The following CACNA2D3 variants were observed in gnomAD, a reference collection of about 807,000 sequenced individuals.
The protein encoded by CACNA2D3 is voltage-dependent calcium channel subunit alpha-2/delta-3.
Under a neutral mutation model 160.6 loss-of-function variants are expected in CACNA2D3, and 60 were observed. The observed-to-expected ratio is 0.37, with a 90% CI of 0.30 to 0.46. CACNA2D3 has a LOEUF of 0.46. Ranked by LOEUF, CACNA2D3 falls within the 20% of genes least tolerant of loss-of-function variation. The pLI is 1.00. For missense variants in CACNA2D3, 1,205 were observed against 1,365.0 expected (o/e 0.88, Z 1.85); for synonymous variants, 558 against 492.9 (o/e 1.13, Z -1.75).
chr3:54,413,408 C>CTATATATATATCTA (rs1559474749), intron 4 of CACNA2D3, among the ~76,000 whole-genome samples: 1 of 145,242 alleles, frequency 6.9e-6, no homozygotes, highest in Non-Finnish European at 1.5e-5. Context: ...CTATATATAT[C>CTATATATATATCTA]TATATATATA....
At chr3:54,852,031 A>C (rs1405447720) in intron 17 of CACNA2D3, among the ~76,000 whole-genome samples, 4 of 152,196 alleles carry the variant, frequency 2.6e-5, no homozygotes, top group African/African-American at 9.7e-5. Flanking sequence ...CTCTTTCCTT[A>C]AAGTGGGTTA....
chr3:54,457,404 T>C (rs1303633051), intron 4 of CACNA2D3, among the ~76,000 whole-genome samples: 1 of 152,090 alleles, frequency 6.6e-6, no homozygotes, highest in Admixed American at 6.6e-5. Flanking sequence ...TTTTATTACA[T>C]TGTCATTAGA....
At chr3:54,875,092 C>T (rs58051150) in intron 18 of CACNA2D3, 7 of 151,966 alleles carry the variant, frequency 4.6e-5, no homozygotes, top group East Asian at 1.9e-4. Context: ...CTTTTTTGCC[C>T]GAAGCCCTAT....
intron 5 of CACNA2D3, among the ~76,000 whole-genome samples, chr3:54,522,337 T>A (rs1701658442): frequency 6.6e-6 from 1 of 152,202 alleles, no homozygotes; most frequent in Admixed American, 6.5e-5. Context: ...TGGGTTGTTA[T>A]GGCAAGTGCA....
At chr3:54,795,530 T>A (rs1452262945) in intron 13 of CACNA2D3, among the ~76,000 whole-genome samples, 5 of 152,114 alleles carry the variant, frequency 3.3e-5, no homozygotes, top group Non-Finnish European at 7.4e-5. Context: ...GAATGTTGAG[T>A]TTTGTTCTGG....
intron 17 of CACNA2D3, among the ~76,000 whole-genome samples, chr3:54,867,300 G>A (rs1699424280): frequency 6.6e-6 from 1 of 152,118 alleles, no homozygotes; most frequent in Non-Finnish European, 1.5e-5. Flanking sequence ...GGGGGAGTAG[G>A]CAAGGAGAAA....
At chr3:54,438,411 CA>C (rs1700091949) in intron 4 of CACNA2D3, among the ~76,000 whole-genome samples, 1 of 152,156 alleles carries the variant, frequency 6.6e-6, no homozygotes, top group African/African-American at 2.4e-5. Flanking sequence ...AAGACTTTTA[CA>C]AATAATTGTC....
At chr3:54,524,436 A>G (rs1321926028) in intron 5 of CACNA2D3, among the ~76,000 whole-genome samples, 1 of 151,952 alleles carries the variant, frequency 6.6e-6, no homozygotes, top group Non-Finnish European at 1.5e-5. Flanking sequence ...TCTGTCCTAG[A>G]GAATGTCCCA....
At chr3:55,029,685 G>A (rs572867481) in intron 35 of CACNA2D3, among the ~76,000 whole-genome samples, 54 of 152,210 alleles carry the variant, frequency 3.5e-4, no homozygotes, top group African/African-American at 1.1e-3. Context: ...CTGGATCTGG[G>A]AATACACATA....
In CACNA2D3 at chr3:55,033,852, T is replaced by A. The variant is rs866737134; in HGVS notation, c.2987+15535T>A. ...TTAATATATAATATATATTACATAT[T>A]AAATATATTTAATATATAATATATA... On this transcript the variant is annotated intron_variant, in intron 35 of 37. Transcript: ENST00000474759. Among the ~76,000 whole-genome samples, 320 of 108,016 alleles carry A rather than the reference T, an allele frequency of 3.0e-3. 5 individuals are homozygous for A. Among genetic ancestry groups the A allele is most frequent in the South Asian group, 6.9e-3 (27 of 3,886 alleles). The allele number at this position is 108,016 out of a possible 152,430, so 70.9% of individuals were successfully genotyped here. A position where few individuals can be genotyped will look rare whatever the true frequency, so the allele number is the denominator to read the frequency against.
At chr3:54,600,263 G>T (rs1209646789) in intron 9 of CACNA2D3, among the ~76,000 whole-genome samples, 2 of 152,116 alleles carry the variant, frequency 1.3e-5, no homozygotes, top group Admixed American at 6.5e-5. Flanking sequence ...CCTCACTCTG[G>T]GTCATGTTGC....
intron 4 of CACNA2D3, among the ~76,000 whole-genome samples, chr3:54,411,942 C>T (rs1043710270): frequency 4.6e-5 from 7 of 152,000 alleles, no homozygotes; most frequent in Admixed American, 2.0e-4. Flanking sequence ...ATGTGTAGGT[C>T]GGAAAACTTG....
At chr3:54,818,089 T>C (rs1317701948) in intron 14 of CACNA2D3, among the ~76,000 whole-genome samples, 1 of 152,226 alleles carries the variant, frequency 6.6e-6, no homozygotes, top group Non-Finnish European at 1.5e-5. Flanking sequence ...CAGCTTCCAC[T>C]TATTGACATT....
chr3:54,521,209 C>A (rs1017858418), intron 5 of CACNA2D3, among the ~76,000 whole-genome samples: 2 of 152,138 alleles, frequency 1.3e-5, no homozygotes, highest in Admixed American at 6.5e-5. Flanking sequence ...TTGATTCTCA[C>A]CAGTAATGTA....
rs1699642192 is a variant in CACNA2D3 at position 54,646,184 on chromosome 3, C to CTTCCTTCCT, written c.1167+3944_1167+3945insTCCTTCCTT. On this transcript the variant is annotated intron_variant, in intron 11 of 37. Transcript: ENST00000474759. ...CCTCCCTCCCTCCCTCCCTCCCTCC[C>CTTCCTTCCT]TCCTTCCTTGCTTCCTTCCTTCCTT... Among the ~76,000 whole-genome samples the CTTCCTTCCT allele has an allele frequency of 3.5e-3, 52 of 14,906 alleles. 1 individual carries two copies. The highest frequency in any genetic ancestry group is 0.01 in the African/African-American group (48 of 4,720). 9.8% of individuals were successfully genotyped at this position (14,906 alleles called of 152,430 possible).
intron 2 of CACNA2D3, among the ~76,000 whole-genome samples, chr3:54,198,902 C>T (rs1264546522): frequency 6.6e-6 from 1 of 152,256 alleles, no homozygotes. Flanking sequence ...CCGGGAGCTC[C>T]TAGATGTCTT....
intron 35 of CACNA2D3, among the ~76,000 whole-genome samples, chr3:55,067,350 G>C (rs995050131): frequency 6.6e-6 from 1 of 152,196 alleles, no homozygotes; most frequent in African/African-American, 2.4e-5. Flanking sequence ...CTGGGCTCCG[G>C]AGGGCTGCAA....
At chr3:54,699,000 G>C (rs1700716673) in intron 11 of CACNA2D3, among the ~76,000 whole-genome samples, 1 of 152,166 alleles carries the variant, frequency 6.6e-6, no homozygotes, top group African/African-American at 2.4e-5. Flanking sequence ...AGACATTTAG[G>C]TAAGAAGGGT....
intron 27 of CACNA2D3, among the ~76,000 whole-genome samples, chr3:54,963,283 A>G (rs1369869068): frequency 6.6e-6 from 1 of 152,076 alleles, no homozygotes; most frequent in African/African-American, 2.4e-5. Context: ...GAGTGGTAGT[A>G]TGGACGGGTT....
Sources: gnomAD v4.1 joint callset for allele counts (sites outside exome capture counted in the v4.1 genomes callset) on GRCh38, gnomAD v4.1.1 for gene constraint, MANE v1.5 for transcripts, NCBI Gene and HGNC (gene_info 2026-07-23, HGNC 2026-07-21) for gene names.